ARB2A: variants seen among roughly 807,000 people sequenced by gnomAD.
ARB2A encodes ARB2 cotranscriptional regulator A, also known as cotranscriptional regulator ARB2A.
At chr5:93,764,948 T>G in the ARB2A span, among the ~76,000 whole-genome samples, 1 of 152,190 alleles carries the variant, frequency 6.6e-6, no homozygotes, top group Non-Finnish European at 1.5e-5. Context: ...AAAAACCATG[T>G]GATTATTTCA....
the ARB2A span, among the ~76,000 whole-genome samples, chr5:93,921,587 T>C: frequency 6.6e-6 from 1 of 151,332 alleles, no homozygotes; most frequent in African/African-American, 2.4e-5. Context: ...TGCCCAATTC[T>C]GGAAAAAAAA....
At chr5:93,961,253 AACCTGTAGT>A in the ARB2A span, among the ~76,000 whole-genome samples, 2 of 151,896 alleles carry the variant, frequency 1.3e-5, no homozygotes, top group Non-Finnish European at 2.9e-5. Context: ...TTCATGAAAA[AACCTGTAGT>A]ACAGATATTC....
At chr5:94,045,095 G>A in the ARB2A span, among the ~76,000 whole-genome samples, 1 of 131,798 alleles carries the variant, frequency 7.6e-6, no homozygotes, top group South Asian at 2.8e-4. Flanking sequence ...TCCAGCCTGG[G>A]CAACAGAGCA....
the ARB2A span, chr5:93,863,077 C>T: frequency 6.6e-6 from 1 of 151,996 alleles, no homozygotes; most frequent in African/African-American, 2.4e-5. Context: ...CCCCTTGCCT[C>T]GTGGGCTCTA....
chr5:93,771,698 T>C, the ARB2A span, among the ~76,000 whole-genome samples: 1 of 151,988 alleles, frequency 6.6e-6, no homozygotes, highest in Non-Finnish European at 1.5e-5. Flanking sequence ...AAAAAACACA[T>C]GAAAAAATGC....
the ARB2A span, among the ~76,000 whole-genome samples, chr5:94,025,587 A>C: frequency 6.7e-6 from 1 of 148,856 alleles, no homozygotes; most frequent in Non-Finnish European, 1.5e-5. Context: ...TAAGAGACTA[A>C]AGACCTAAGC....
the ARB2A span, among the ~76,000 whole-genome samples, chr5:93,747,164 T>G: frequency 2.6e-5 from 4 of 152,282 alleles, no homozygotes; most frequent in South Asian, 8.3e-4. Context: ...AGGAAACTAG[T>G]AATCATAATG....
chr5:93,741,759 C>G, the ARB2A span: 1 of 561,822 alleles, frequency 1.8e-6, no homozygotes, highest in Non-Finnish European at 3.0e-6. Context: ...AGTGAGCCCC[C>G]TACCCTGACC....
At chr5:93,904,690 C>T in the ARB2A span, among the ~76,000 whole-genome samples, 75 of 151,812 alleles carry the variant, frequency 4.9e-4, no homozygotes, top group Non-Finnish European at 8.0e-4. Context: ...CTATTCTAAT[C>T]TAAATTTACC....
the ARB2A span, among the ~76,000 whole-genome samples, chr5:93,830,333 A>ATG: frequency 2.9e-5 from 4 of 139,466 alleles, no homozygotes; most frequent in African/African-American, 1.1e-4. Context: ...ATATATATAT[A>ATG]TATATATATA....
At chr5:94,049,646 C>T in the ARB2A span, among the ~76,000 whole-genome samples, 3 of 150,554 alleles carry the variant, frequency 2.0e-5, no homozygotes, top group Admixed American at 6.6e-5. Context: ...GGTGAAACCC[C>T]ATCTCTACTA....
the ARB2A span, among the ~76,000 whole-genome samples, chr5:94,071,161 T>G: frequency 5.3e-5 from 8 of 152,092 alleles, no homozygotes; most frequent in South Asian, 1.7e-3. Flanking sequence ...ATTTGGCAAA[T>G]GGATAAGTAA....
the ARB2A span, among the ~76,000 whole-genome samples, chr5:93,716,565 G>A: frequency 6.6e-6 from 1 of 151,900 alleles, no homozygotes; most frequent in Non-Finnish European, 1.5e-5. Flanking sequence ...AAGAGTTCCT[G>A]GAAAAGTCAA....
the ARB2A span, among the ~76,000 whole-genome samples, chr5:93,808,690 C>T: frequency 1.3e-5 from 2 of 151,922 alleles, no homozygotes; most frequent in Non-Finnish European, 2.9e-5. Flanking sequence ...AGCTCTCTAT[C>T]CCTGTCAAAG....
At chr5:93,702,553 T>G in the ARB2A span, among the ~76,000 whole-genome samples, 7 of 152,164 alleles carry the variant, frequency 4.6e-5, no homozygotes, top group East Asian at 1.3e-3. Flanking sequence ...ATCCTTTTCA[T>G]AGCCAAATCC....
At chr5:93,800,470 T>C in the ARB2A span, among the ~76,000 whole-genome samples, 1 of 151,078 alleles carries the variant, frequency 6.6e-6, no homozygotes. Context: ...GGATATAAAA[T>C]TTTACCAGTT....
chr5:93,787,607 G>C, the ARB2A span, among the ~76,000 whole-genome samples: 2 of 152,098 alleles, frequency 1.3e-5, no homozygotes, highest in South Asian at 4.1e-4. Context: ...CAGACACAAA[G>C]TGATAAAACT....
chr5:93,677,818 G>T, the ARB2A span, among the ~76,000 whole-genome samples: 1 of 152,182 alleles, frequency 6.6e-6, no homozygotes, highest in Non-Finnish European at 1.5e-5. Context: ...GAAAAACTGA[G>T]CTGTCCAAAA....
At chr5:94,090,597 T>C in the ARB2A span, among the ~76,000 whole-genome samples, 7 of 152,316 alleles carry the variant, frequency 4.6e-5, no homozygotes, top group Admixed American at 2.0e-4. Context: ...ATCCTTGTCT[T>C]GTGCCAGTTT....
Sources: gnomAD v4.1 joint callset for allele counts (sites outside exome capture counted in the v4.1 genomes callset) on GRCh38, gnomAD v4.1.1 for gene constraint, MANE v1.5 for transcripts, NCBI Gene and HGNC (gene_info 2026-07-23, HGNC 2026-07-21) for gene names.